The following RHBDL3 variants were observed in gnomAD, a reference collection of about 807,000 sequenced individuals.
RHBDL3 encodes rhomboid-related protein 3.
A neutral mutation model predicts 48.2 loss-of-function variants in RHBDL3; 28 were observed. The ratio of observed to expected loss-of-function variants is 0.58; its 90% CI spans 0.43 to 0.80. The LOEUF is 0.80. Among genes scored for constraint, RHBDL3 ranks in the 30% least tolerant of loss-of-function variants. The pLI is 0.00. For synonymous variants in RHBDL3, 208 were observed against 232.3 expected (o/e 0.90, Z 0.95); for missense variants, 464 against 542.7 (o/e 0.85, Z 1.44).
At chr17:32,271,943 G>A (rs1188504331) in intron 2 of RHBDL3, among the ~76,000 whole-genome samples, 1 of 152,188 alleles carries the variant, frequency 6.6e-6, no homozygotes, top group East Asian at 1.9e-4. Flanking sequence ...TCGGTGGGTT[G>A]CTGGGGTCAG....
At chr17:32,270,053 C>T (rs1451072113) in intron 2 of RHBDL3, among the ~76,000 whole-genome samples, 1 of 144,162 alleles carries the variant, frequency 6.9e-6, no homozygotes, top group Non-Finnish European at 1.5e-5. Flanking sequence ...AGGCCAGGCA[C>T]AGTGGCTAAC....
Position 32,294,281 on chromosome 17 carries a change from C to G in RHBDL3, c.520-13C>G, listed in dbSNP as rs1555588717. The G allele has an allele frequency of 6.2e-6, 10 of 1,612,174 alleles. No individual in the cohort carries two copies. Among genetic ancestry groups the G allele is most frequent in the Admixed American group, 1.7e-5 (1 of 59,800 alleles). On this transcript the variant is annotated splice_polypyrimidine_tract_variant and intron_variant, in intron 4 of 8. Transcript: ENST00000269051. ...GTGTGCACCTAGTAACAGACTCTCT[C>G]TCTTCTGTCCAGGTTGCCTTTTTCC... is the stretch of plus-strand genomic sequence containing the variant.
At chr17:32,294,128 CAAA>C (rs34051934) in intron 4 of RHBDL3, among the ~76,000 whole-genome samples, 163 bp from the exon 5 acceptor site, 2 of 107,698 alleles carry the variant, frequency 1.9e-5, no homozygotes, top group African/African-American at 3.3e-5. Flanking sequence ...AACTCCATCT[CAAA>C]AAAAAAAAAA....
intron 3 of RHBDL3, among the ~76,000 whole-genome samples, chr17:32,285,904 A>T (rs924253265): frequency 6.6e-6 from 1 of 152,190 alleles, no homozygotes; most frequent in Admixed American, 6.5e-5. Context: ...GAGATGTTTC[A>T]ACAGCCTCTT....
chr17:32,270,731 G>A (rs1331030444), intron 2 of RHBDL3, among the ~76,000 whole-genome samples: 2 of 152,218 alleles, frequency 1.3e-5, no homozygotes, highest in African/African-American at 2.4e-5. Context: ...GGAGACCTGA[G>A]GGTCATCAGT....
At position 32,321,003 on chromosome 17, in the gene RHBDL3, C is replaced by G. The variant is rs770176595; in HGVS notation, c.989C>G (p.Ser330Trp). 3 of 1,613,962 alleles carry G rather than the reference C, an allele frequency of 1.9e-6. No individual in the cohort carries two copies. The highest frequency in any genetic ancestry group is 2.5e-6 in the Non-Finnish European group (3 of 1,180,002). ...GCCGTGTGGCTCCGCTTCCACCCGT[C>G]GGCCTATCCCCCGTGCCCTCACCCA... Reference protein sequence around the residue: ...GRAVWLRFHPSAYPPCPHPSF... With the variant: ...GRAVWLRFHPWAYPPCPHPSF... The change falls in exon 9 of 9, where the codon TCG (serine) becomes TGG (tryptophan). Residue 330 changes from serine (S) to tryptophan (W), a missense_variant. Coordinates refer to ENST00000269051, the MANE Select transcript of RHBDL3 (RefSeq NM_138328.3).
intron 5 of RHBDL3, among the ~76,000 whole-genome samples, chr17:32,296,267 A>G (rs1483393314): frequency 1.3e-5 from 2 of 150,262 alleles, no homozygotes; most frequent in Non-Finnish European, 3.0e-5. Flanking sequence ...AAGAAAAAAG[A>G]AAAAAAACAG....
intron 4 of RHBDL3, among the ~76,000 whole-genome samples, chr17:32,293,173 A>ATGG (rs1555588316): frequency 1.8e-4 from 18 of 102,612 alleles, no homozygotes; most frequent in African/African-American, 3.7e-4. Context: ...GGCTGGAGGG[A>ATGG]GGGGGTGGGG....
At chr17:32,283,725 T>C (rs1303569602) in intron 2 of RHBDL3, among the ~76,000 whole-genome samples, 3 of 152,158 alleles carry the variant, frequency 2.0e-5, no homozygotes, top group South Asian at 2.1e-4. Context: ...CAAATCTTGA[T>C]TGAGTGCTGA....
Position 32,298,900 on chromosome 17 carries a change from C to G in RHBDL3, c.781+696C>G, listed in dbSNP as rs532224726. Among the ~76,000 whole-genome samples, 4 of 152,328 alleles carry G rather than the reference C, an allele frequency of 2.6e-5. No individual in the cohort carries two copies. The South Asian group carries it at 8.3e-4, about 32-fold the overall frequency. On this transcript the variant is annotated intron_variant, in intron 6 of 8. Coordinates refer to ENST00000269051, the MANE Select transcript of RHBDL3 (RefSeq NM_138328.3). Reference sequence around the variant, plus strand: ...AGTGGCCAGAGTGACTCCCAGTGAGCCTTCCACCTTCTGCCCCCTCCCCAG... The same window carrying G: ...AGTGGCCAGAGTGACTCCCAGTGAGGCTTCCACCTTCTGCCCCCTCCCCAG...
intron 2 of RHBDL3, among the ~76,000 whole-genome samples, chr17:32,283,787 C>T (rs536692828): frequency 1.3e-5 from 2 of 152,286 alleles, no homozygotes; most frequent in South Asian, 2.1e-4. Context: ...TACCGACCCG[C>T]GAGGCGCCGC....
intron 1 of RHBDL3, among the ~76,000 whole-genome samples, chr17:32,267,031 A>T (rs1039852554): frequency 1.3e-5 from 2 of 151,858 alleles, no homozygotes; most frequent in Non-Finnish European, 2.9e-5. Flanking sequence ...TGGGAACTGG[A>T]GTTTCTTGGG....
chr17:32,314,491 C>T, intron 7 of RHBDL3, among the ~76,000 whole-genome samples: 1 of 152,036 alleles, frequency 6.6e-6, no homozygotes, highest in East Asian at 1.9e-4. Flanking sequence ...CCGGGTATCA[C>T]CTTTAAGGGA....
intron 6 of RHBDL3, 87 bp from the exon 7 acceptor site, chr17:32,305,254 C>G (rs116597607): frequency 2.3e-6 from 2 of 867,198 alleles, no homozygotes; most frequent in African/African-American, 3.3e-5. Context: ...AGTCTTAGCA[C>G]GGAGCCTGCA....
At chr17:32,316,103 A>G (rs754931164) in intron 7 of RHBDL3, 129 bp from the exon 8 acceptor site, 5 of 707,466 alleles carry the variant, frequency 7.1e-6, no homozygotes, top group Non-Finnish European at 1.3e-5. Context: ...GTGTTCTGCT[A>G]CTAAGCCACA....
Position 32,321,091 on chromosome 17 carries a change from G to A in RHBDL3, c.1077G>A (p.Arg359=). The A allele has an allele frequency of 1.9e-6, 3 of 1,614,248 alleles. No homozygotes were observed. Among genetic ancestry groups the A allele is most frequent in the Non-Finnish European group, 2.5e-6 (3 of 1,180,048 alleles). ...VGITLGVVVL[R]NYEQRLQDQS... is the part of the protein sequence containing the mutation. The stretch of plus-strand genomic sequence containing the variant: ...TCACCCTGGGCGTGGTGGTCCTGAG[G>A]AACTACGAGCAGAGGCTCCAGGACC... The change falls in exon 9 of 9, where the codon AGG becomes AGA. Residue 359 remains arginine, a synonymous_variant. Coordinates refer to ENST00000269051, the MANE Select transcript of RHBDL3 (RefSeq NM_138328.3).
At chr17:32,271,139 A>ATCT (rs2039764293) in intron 2 of RHBDL3, among the ~76,000 whole-genome samples, 1 of 152,178 alleles carries the variant, frequency 6.6e-6, no homozygotes, top group Non-Finnish European at 1.5e-5. Context: ...GACCTGAGAT[A>ATCT]GTTTTCGTAC....
At chr17:32,294,923 GT>G (rs1429278848) in intron 5 of RHBDL3, among the ~76,000 whole-genome samples, 1 of 152,210 alleles carries the variant, frequency 6.6e-6, no homozygotes, top group Non-Finnish European at 1.5e-5. Context: ...CCTGTAGCCT[GT>G]TTTGGGGCTG....
At chr17:32,320,026 A>G (rs2041084804) in intron 8 of RHBDL3, among the ~76,000 whole-genome samples, 1 of 151,890 alleles carries the variant, frequency 6.6e-6, no homozygotes, top group Non-Finnish European at 1.5e-5. Flanking sequence ...TAATCCTAGC[A>G]CTGTGGGAGG....
Sources: allele counts gnomAD v4.1 joint callset (sites outside exome capture counted in the v4.1 genomes callset), GRCh38; gene constraint gnomAD v4.1.1; transcripts MANE v1.5; gene names NCBI Gene and HGNC (gene_info 2026-07-23, HGNC 2026-07-21).